Variants in PPM1B observed in about 807,000 individuals in gnomAD.
PPM1B encodes the protein protein phosphatase, Mg2+/Mn2+ dependent 1B.
A neutral mutation model predicts 43.0 loss-of-function variants in PPM1B; 22 were observed. The observed-to-expected ratio is 0.51, with a 90% CI of 0.37 to 0.73. PPM1B has a LOEUF of 0.73. Among genes scored for constraint, PPM1B ranks in the 30% least tolerant of loss-of-function variants. The pLI is 0.00. For synonymous variants in PPM1B, 217 were observed against 197.9 expected (o/e 1.10, Z -0.81); for missense variants, 632 against 584.2 (o/e 1.08, Z -0.84).
intron 1 of PPM1B, among the ~76,000 whole-genome samples, chr2:44,195,732 T>G (rs1464907968): frequency 6.6e-6 from 1 of 152,212 alleles, no homozygotes; most frequent in Non-Finnish European, 1.5e-5. Flanking sequence ...CTTTGAGTGG[T>G]GGGGTCTACG....
rs1669341836 is a variant in PPM1B, at chr2:44,209,308, C to G, written c.945C>G (p.His315Gln). The change falls in exon 3 of 6, where the codon CAC (histidine) becomes CAG (glutamine). Residue 315 changes from histidine (H) to glutamine (Q), a missense_variant. Physicochemically the swap from His to Gln is conservative, Grantham distance 24. Coordinates refer to ENST00000282412, the MANE Select transcript of PPM1B (RefSeq NM_002706.6). ...AVKKDSELDK[H>Q]LESRVEEIME... ...AAAAAGATTCAGAGTTGGATAAGCA[C>G]TTGGAATCACGGGTTGAAGGTAAGA... 6.2e-7 allele frequency: 1 copy of G among 1,613,872 alleles called. No individual in the cohort carries two copies. The highest frequency in any genetic ancestry group is 8.5e-7 in the Non-Finnish European group (1 of 1,179,948).
chr2:44,213,203 A>G (rs905629960), intron 3 of PPM1B, among the ~76,000 whole-genome samples: 1 of 149,876 alleles, frequency 6.7e-6, no homozygotes, highest in African/African-American at 2.5e-5. Flanking sequence ...TTTTTAAGAT[A>G]TGAAATTACT....
chr2:44,192,185 GTTATGGTATTGTATT>G (rs1251929316), intron 1 of PPM1B, among the ~76,000 whole-genome samples: 3 of 98,638 alleles, frequency 3.0e-5, no homozygotes, highest in African/African-American at 1.3e-4. Flanking sequence ...GTTATGTTAT[GTTATGGTATTGTATT>G]GTATTGTATT....
chr2:44,228,013 C>G (rs1478321717), intron 5 of PPM1B, among the ~76,000 whole-genome samples: 1 of 148,772 alleles, frequency 6.7e-6, no homozygotes, highest in Non-Finnish European at 1.5e-5. Context: ...CCTCCGCCCT[C>G]CGAGTTCAAG....
At chr2:44,192,374 C>A (rs989794561) in intron 1 of PPM1B, among the ~76,000 whole-genome samples, 3 of 152,012 alleles carry the variant, frequency 2.0e-5, no homozygotes, top group Non-Finnish European at 4.4e-5. Context: ...ACAAACCATG[C>A]CCGGCTAATT....
chr2:44,222,384 GTATTTA>G (rs1329498019), intron 5 of PPM1B, among the ~76,000 whole-genome samples: 2 of 152,182 alleles, frequency 1.3e-5, no homozygotes, highest in African/African-American at 4.8e-5. Context: ...ATGAAAGTCT[GTATTTA>G]TAGAGTTTTA....
downstream of PPM1B, chr2:44,233,989 G>T (rs935929777): frequency 1.9e-5 from 19 of 985,092 alleles, no homozygotes; most frequent in African/African-American, 3.0e-4. Context: ...TTCCCAGTAT[G>T]ATATTGTGAT....
At chr2:44,193,475 T>A (rs1572703953) in intron 1 of PPM1B, among the ~76,000 whole-genome samples, 1 of 151,926 alleles carries the variant, frequency 6.6e-6, no homozygotes, top group East Asian at 1.9e-4. Context: ...ATCACTACAG[T>A]CTTGAACTCC....
chr2:44,174,939 G>A (rs113886147), intron 1 of PPM1B, among the ~76,000 whole-genome samples: 111 of 152,232 alleles, frequency 7.3e-4, no homozygotes, highest in African/African-American at 2.4e-3. Context: ...GTTGAACACA[G>A]GTGGCCTTTC....
chr2:44,192,526 ATTTTTAAAATGTT>A (rs1668456508), intron 1 of PPM1B, among the ~76,000 whole-genome samples: 1 of 152,122 alleles, frequency 6.6e-6, no homozygotes, highest in African/African-American at 2.4e-5. Flanking sequence ...TGTCATTTTT[ATTTTTAAAATGTT>A]TTCTTTAACT....
intron 5 of PPM1B, among the ~76,000 whole-genome samples, chr2:44,243,623 T>A (rs1670796361): frequency 6.6e-6 from 1 of 152,194 alleles, no homozygotes; most frequent in Non-Finnish European, 1.5e-5. Flanking sequence ...AAGCCAATCT[T>A]TTCTCATTAT....
chr2:44,204,155 A>G (rs1343028987), intron 2 of PPM1B, among the ~76,000 whole-genome samples: 2 of 152,228 alleles, frequency 1.3e-5, no homozygotes, highest in Admixed American at 6.5e-5. Context: ...TTGAATTGAA[A>G]CAAAACAGAC....
chr2:44,242,195 T>C (rs1360090314), intron 5 of PPM1B, among the ~76,000 whole-genome samples: 1 of 152,160 alleles, frequency 6.6e-6, no homozygotes, highest in Non-Finnish European at 1.5e-5. Context: ...CATTATTTCG[T>C]AGTTTAATTG....
At chr2:44,171,314 G>A (rs1667331315) in intron 1 of PPM1B, among the ~76,000 whole-genome samples, 1 of 152,318 alleles carries the variant, frequency 6.6e-6, no homozygotes, top group Non-Finnish European at 1.5e-5. Flanking sequence ...TACATCATCT[G>A]AAGGAATAGT....
intron 3 of PPM1B, among the ~76,000 whole-genome samples, chr2:44,216,078 A>T (rs1039933325): frequency 1.3e-5 from 2 of 152,216 alleles, no homozygotes; most frequent in African/African-American, 4.8e-5. Flanking sequence ...GTGGGAATTC[A>T]TTGGAAGATT....
At chr2:44,176,723 C>T (rs1173161660) in intron 1 of PPM1B, among the ~76,000 whole-genome samples, 2 of 152,180 alleles carry the variant, frequency 1.3e-5, no homozygotes, top group Non-Finnish European at 2.9e-5. Context: ...TATTTTAATG[C>T]TTGGTGGTCT....
At chr2:44,236,745 T>C (rs143963891), downstream of PPM1B, among the ~76,000 whole-genome samples, 1,832 of 152,294 alleles carry the variant, frequency 0.012, 38 homozygotes, top group African/African-American at 0.042. Flanking sequence ...TATCTTTTGC[T>C]GACCAAATAT....
chr2:44,186,325 A>G (rs1668115491), intron 1 of PPM1B, among the ~76,000 whole-genome samples: 1 of 152,208 alleles, frequency 6.6e-6, no homozygotes, highest in Non-Finnish European at 1.5e-5. Flanking sequence ...GGCATCAGTT[A>G]AATTTTGAAG....
rs112240009 is a variant in PPM1B, at chr2:44,227,495, G to A, written c.1135-2918G>A. 4.7e-3 allele frequency among the ~76,000 whole-genome samples: 715 copies of A among 151,120 alleles called. 3 individuals are homozygous for A. The highest frequency in any genetic ancestry group is 0.015 in the African/African-American group (621 of 41,192). ...ACACAGACGTATATGTATCCAAAAA[G>A]CATGGGCCATACACAGTATCATCTT... On this transcript the variant is annotated intron_variant, in intron 5 of 5. Coordinates refer to ENST00000282412, the MANE Select transcript of PPM1B (RefSeq NM_002706.6).
Sources: allele counts gnomAD v4.1 joint callset (sites outside exome capture counted in the v4.1 genomes callset), GRCh38; gene constraint gnomAD v4.1.1; transcripts MANE v1.5; gene names NCBI Gene and HGNC (gene_info 2026-07-23, HGNC 2026-07-21).